EXOC3L1: variants seen among roughly 807,000 people sequenced by gnomAD.
The protein encoded by EXOC3L1 is exocyst complex component 3-like protein.
Under a neutral mutation model 83.6 loss-of-function variants are expected in EXOC3L1, and 79 were observed. That is an observed-to-expected ratio of 0.95 (90% CI 0.79 to 1.14). EXOC3L1 has a LOEUF of 1.14. Among genes scored for constraint, EXOC3L1 ranks in the 50% most tolerant of loss-of-function variants. The pLI is 0.00. For missense variants in EXOC3L1, 945 were observed against 972.0 expected (o/e 0.97, Z 0.37); for synonymous variants, 433 against 451.2 (o/e 0.96, Z 0.51).
chr16:67,189,560 A>G, intron 2 of EXOC3L1, 71 bp downstream of exon 2: 1 of 1,572,584 alleles, frequency 6.4e-7, no homozygotes, highest in African/African-American at 1.3e-5. Context: ...TACAGGCGTG[A>G]GCCACTGCGC....
In EXOC3L1 at chr16:67,184,652, C is replaced by T. The variant is rs566108923; in HGVS notation, c.2030+34G>A. The T allele has an allele frequency of 8.9e-6, 14 of 1,580,336 alleles. No homozygotes were observed. In the East Asian group the frequency reaches 2.2e-4, roughly 25 times the overall value. ...CGTCAGCCCCGTCCTCCCCGCCCTC[C>T]GGCTTCTCTTCCCTTCTGGCCCCCA... On this transcript the variant is annotated intron_variant, in intron 13 of 13. Coordinates refer to ENST00000314586, the MANE Select transcript of EXOC3L1 (RefSeq NM_178516.4).
rs200829241 is a variant in EXOC3L1 at position 67,188,858 on chromosome 16, C to T, written c.290G>A (p.Arg97Gln). 28 of 1,613,144 alleles carry T rather than the reference C, an allele frequency of 1.7e-5. 1 individual carries two copies. Among genetic ancestry groups the T allele is most frequent in the South Asian group, 3.3e-5 (3 of 91,088 alleles). ...AQAIEVVQGT[R>Q]EALSQARGLL... ...CCCACGGGCCTGGCTCAGGGCCTCCCGGGTTCCCTGCACCACCTCAATGGC... is the reference window on the plus strand; with the variant it reads ...CCCACGGGCCTGGCTCAGGGCCTCCTGGGTTCCCTGCACCACCTCAATGGC... The change falls in exon 4 of 14, where the codon CGG becomes CAG. Residue 97 changes from arginine (R) to glutamine (Q), a missense_variant. By Grantham distance (43) the Arg-to-Gln change is conservative (BLOSUM62 1). Coordinates refer to ENST00000314586, the MANE Select transcript of EXOC3L1 (RefSeq NM_178516.4).
rs201457034 is a variant in EXOC3L1, at chr16:67,188,838, G to A, written c.310C>T (p.Arg104Cys). 3.3e-5 allele frequency: 54 copies of A among 1,613,300 alleles called. No individual in the cohort carries two copies. The highest frequency in any genetic ancestry group is 1.6e-4 in the Middle Eastern group (1 of 6,062). ...TGGGACATGCCCTGGAGCAACCCAC[G>A]GGCCTGGCTCAGGGCCTCCCGGGTT... ...QGTREALSQARGLLQGMSQAL... is the reference protein window; with the variant it reads ...QGTREALSQACGLLQGMSQAL... The change falls in exon 4 of 14, where the codon CGT becomes TGT. Residue 104 changes from arginine (R) to cysteine (C), a missense_variant. By Grantham distance (180) the Arg-to-Cys change is radical. Coordinates refer to ENST00000314586, the MANE Select transcript of EXOC3L1 (RefSeq NM_178516.4).
chr16:67,185,637 A>T (rs1312419876), intron 9 of EXOC3L1, 147 bp from the exon 10 acceptor site: 8 of 728,702 alleles, frequency 1.1e-5, no homozygotes, highest in Non-Finnish European at 1.6e-5. Flanking sequence ...GGTCCCAGGC[A>T]TGGACCAGGG....
In EXOC3L1 at chr16:67,186,863, G is replaced by A. The variant is rs766414356; in HGVS notation, c.1180C>T (p.Gln394Ter). Residue 394 changes from glutamine (Q) to a stop codon, truncating the protein, a stop_gained, in exon 7 of 14, where the codon CAG (glutamine) becomes TAG (stop). Transcript: ENST00000314586. LOFTEE classifies it high-confidence loss of function. ...GCTACCTCCCCATCCAGTGCATTCTGCAGCCACTGAGACACACTTGCCTGG... is the reference window on the plus strand; with the variant it reads ...GCTACCTCCCCATCCAGTGCATTCTACAGCCACTGAGACACACTTGCCTGG... ...NIQASVSQWL[Q>*]NALDGEVAEW... is the part of the protein sequence containing the mutation. 1 of 1,613,434 alleles carries A rather than the reference G, an allele frequency of 6.2e-7. No individual in the cohort carries two copies.
chr16:67,186,557 C>T lies in EXOC3L1; in HGVS notation c.1385G>A (p.Ser462Asn). ...ALSELGTFLR[S>N]FSDALIRFSR... ...GGAATGGGTCAGTGCCTCAGCAAAC[C>T]TCCTCAAGAATGTGCCCAGTTCTGA... Residue 462 changes from serine (S) to asparagine (N), a missense_variant and splice_region_variant, in exon 8 of 14, where the codon AGC becomes AAC. Physicochemically the swap from Ser to Asn is conservative, Grantham distance 46 (BLOSUM62 1). Transcript: ENST00000314586. The T allele has an allele frequency of 6.2e-7, 1 of 1,613,710 alleles. No individual in the cohort carries two copies. The highest frequency in any genetic ancestry group is 1.1e-5 in the South Asian group (1 of 91,064).
At position 67,189,132 on chromosome 16, in the gene EXOC3L1, G is replaced by T; in HGVS notation, c.95C>A (p.Ala32Glu). ...GATGCCTGAGGCCCACTTGAGCGCT[G>T]CACCCCGGGCCAGCTGCTCTGCCCG... The part of the protein sequence containing the change: ...QERAEQLARG[A>E]ALKWASGIFY... The change falls in exon 3 of 14, where the codon GCA (alanine) becomes GAA (glutamate). Residue 32 changes from alanine (A) to glutamate (E), a missense_variant. Transcript: ENST00000314586. 1.2e-6 allele frequency: 2 copies of T among 1,607,294 alleles called. No individual in the cohort carries two copies. Among genetic ancestry groups the T allele is most frequent in the Non-Finnish European group, 8.5e-7 (1 of 1,179,324 alleles).
At position 67,189,194 on chromosome 16, in the gene EXOC3L1, G is replaced by C; in HGVS notation, c.47-14C>G. The C allele has an allele frequency of 6.3e-7, 1 of 1,585,174 alleles. No homozygotes were observed. Among genetic ancestry groups the C allele is most frequent in the Non-Finnish European group, 8.6e-7 (1 of 1,166,452 alleles). On this transcript the variant is annotated splice_polypyrimidine_tract_variant and intron_variant, in intron 2 of 13. Coordinates refer to ENST00000314586, the MANE Select transcript of EXOC3L1 (RefSeq NM_178516.4). ...GCCACTCAGGTCCTGGGAAGGAAGAGCCTGGGCAGCCGTGTAGTCAGGGAG... is the reference window on the plus strand; with the variant it reads ...GCCACTCAGGTCCTGGGAAGGAAGACCCTGGGCAGCCGTGTAGTCAGGGAG...
chr16:67,188,193 G>A (rs981162067), intron 4 of EXOC3L1, among the ~76,000 whole-genome samples: 7 of 151,778 alleles, frequency 4.6e-5, no homozygotes, highest in East Asian at 1.9e-4. Context: ...GCAGTGAGCC[G>A]AGATCACACC....
Position 67,189,289 on chromosome 16 carries a change from T to C in EXOC3L1, c.47-109A>G, listed in dbSNP as rs2032818601. Reference sequence around the variant, plus strand: ...ATTTATTTATTTGTTTGTTTATTTGTTTATTGAGATGGAGTCTCGCTCTGT... The same window carrying C: ...ATTTATTTATTTGTTTGTTTATTTGCTTATTGAGATGGAGTCTCGCTCTGT... On this transcript the variant is annotated intron_variant, in intron 2 of 13. Coordinates refer to ENST00000314586, the MANE Select transcript of EXOC3L1 (RefSeq NM_178516.4). 7.5e-6 allele frequency: 9 copies of C among 1,201,866 alleles called. No homozygotes were observed. In the South Asian group the frequency reaches 1.5e-4, roughly 20 times the overall value. The allele number at this position is 1,201,866 out of a possible 1,614,324, so 74.5% of individuals were successfully genotyped here.
Position 67,184,518 on chromosome 16 carries a change from G to T in EXOC3L1, c.2117C>A (p.Ala706Glu). 1 of 1,520,578 alleles carries T rather than the reference G, an allele frequency of 6.6e-7. No homozygotes were observed. The highest frequency in any genetic ancestry group is 8.8e-7 in the Non-Finnish European group (1 of 1,141,618). The allele number at this position is 1,520,578 out of a possible 1,614,324, so 94.2% of individuals were successfully genotyped here. ...GCTCGCGCGGGGCGACGGCGGCAGC[G>T]CAGCCTGCAGGGAGCTGAGCGCGGC... ...HLAALSSLQA[A>E]LPPSPRASRR... The change falls in exon 14 of 14, where the codon GCG becomes GAG. Residue 706 changes from alanine (A) to glutamate (E), a missense_variant. Coordinates refer to ENST00000314586, the MANE Select transcript of EXOC3L1 (RefSeq NM_178516.4).
In EXOC3L1 at chr16:67,186,658, C is replaced by G. The variant is rs764571866; in HGVS notation, c.1285-1G>C. The G allele has an allele frequency of 6.2e-7, 1 of 1,614,074 alleles. No homozygotes were observed. Among genetic ancestry groups the G allele is most frequent in the East Asian group, 2.2e-5 (1 of 44,882 alleles). ...CCACACGAATGTTCTCTTCCAGGAT[C>G]TGCAGGCAGAAATGAGCAGCCATCG... On this transcript the variant is annotated splice_acceptor_variant, in intron 7 of 13. Transcript: ENST00000314586. LOFTEE classifies it high-confidence loss of function.
At chr16:67,186,477 T>C in intron 8 of EXOC3L1, 80 bp downstream of exon 8, 3 of 1,492,458 alleles carry the variant, frequency 2.0e-6, no homozygotes, top group South Asian at 1.1e-5. Flanking sequence ...CCCTGTGACA[T>C]GTCTTATTCA....
rs1319805756 is a variant in EXOC3L1, at chr16:67,185,356, C to T, written c.1626+5G>A. On this transcript the variant is annotated splice_donor_5th_base_variant and intron_variant, in intron 10 of 13. Coordinates refer to ENST00000314586, the MANE Select transcript of EXOC3L1 (RefSeq NM_178516.4). ...GCTCCCATCCTGACCTGAAGGAGGC[C>T]TCACCTGGAGCTCCGCCTGCAGCGC... The T allele has an allele frequency of 6.2e-7, 1 of 1,612,754 alleles. No homozygotes were observed. The highest frequency in any genetic ancestry group is 8.5e-7 in the Non-Finnish European group (1 of 1,180,032).
rs546146076 is a variant in EXOC3L1, at chr16:67,190,095, C to G, written c.-132G>C. On this transcript the variant is annotated 5_prime_UTR_variant, in exon 1 of 14. Coordinates refer to ENST00000314586, the MANE Select transcript of EXOC3L1 (RefSeq NM_178516.4). ...AGGGCCTGGGCAACTCCAGCTGACT[C>G]CAGCGTGCAGCTGAATTCCTCTCCC... 9 of 169,814 alleles carry G rather than the reference C, an allele frequency of 5.3e-5. No individual in the cohort carries two copies. The East Asian group carries it at 1.5e-3, about 28-fold the overall frequency. The allele number at this position is 169,814 out of a possible 1,614,324, so 10.5% of individuals were successfully genotyped here.
At position 67,187,694 on chromosome 16, in the gene EXOC3L1, G is replaced by T; in HGVS notation, c.571C>A (p.Leu191Met). 3.7e-6 allele frequency: 6 copies of T among 1,612,986 alleles called. No individual in the cohort carries two copies. Among genetic ancestry groups the T allele is most frequent in the Non-Finnish European group, 5.1e-6 (6 of 1,179,988 alleles). The change falls in exon 5 of 14, where the codon CTG becomes ATG. Residue 191 changes from leucine to methionine, a missense_variant. Coordinates refer to ENST00000314586, the MANE Select transcript of EXOC3L1 (RefSeq NM_178516.4). ...CCCAGTGCCTCGAACAGAAGGTCCAGCCCCTGGAAGACTGGCAACTCCAGG... is the reference window on the plus strand; with the variant it reads ...CCCAGTGCCTCGAACAGAAGGTCCATCCCCTGGAAGACTGGCAACTCCAGG... Reference protein sequence around the residue: ...GGLELPVFQGLDLLFEALGQA... With the variant: ...GGLELPVFQGMDLLFEALGQA...
Position 67,187,068 on chromosome 16 carries a change from A to C in EXOC3L1, c.1111T>G (p.Leu371Val). Reference protein sequence around the residue: ...DVSQLEPLLTLENIEQLEATF... With the variant: ...DVSQLEPLLTVENIEQLEATF... ...GCCTCCAGCTGCTCAATGTTCTCCA[A>C]GGTCAGAAGGGGCTCCAGCTGGGAC... The change falls in exon 6 of 14, where the codon TTG (leucine) becomes GTG (valine). Residue 371 changes from leucine (L) to valine (V), a missense_variant. Coordinates refer to ENST00000314586, the MANE Select transcript of EXOC3L1 (RefSeq NM_178516.4). 6.2e-7 allele frequency: 1 copy of C among 1,613,708 alleles called. No homozygotes were observed. Among genetic ancestry groups the C allele is most frequent in the South Asian group, 1.1e-5 (1 of 91,092 alleles).
chr16:67,188,259 C>CAA (rs2032785263), intron 4 of EXOC3L1, among the ~76,000 whole-genome samples: 1 of 151,650 alleles, frequency 6.6e-6, no homozygotes, highest in Non-Finnish European at 1.5e-5. Context: ...CAAAACAAAA[C>CAA]AAAAAATGAA....
chr16:67,188,028 G>T (rs1314132334), intron 4 of EXOC3L1, among the ~76,000 whole-genome samples, 191 bp from the exon 5 acceptor site: 1 of 152,192 alleles, frequency 6.6e-6, no homozygotes, highest in Non-Finnish European at 1.5e-5. Context: ...TGAATCACTT[G>T]AGGTCAGGAG....
Sources: allele counts gnomAD v4.1 joint callset (sites outside exome capture counted in the v4.1 genomes callset), GRCh38; gene constraint gnomAD v4.1.1; transcripts MANE v1.5; gene names NCBI Gene and HGNC (gene_info 2026-07-23, HGNC 2026-07-21).